The following NOS1AP variants were observed in gnomAD, a reference collection of about 807,000 sequenced individuals.
The protein encoded by NOS1AP is carboxyl-terminal PDZ ligand of neuronal nitric oxide synthase protein.
A neutral mutation model predicts 56.2 loss-of-function variants in NOS1AP; 21 were observed. The ratio of observed to expected loss-of-function variants is 0.37; its 90% confidence interval spans 0.26 to 0.54. The LOEUF is 0.54. Among genes scored for constraint, NOS1AP ranks in the 20% least tolerant of loss-of-function variants. The pLI is 0.84. For synonymous variants in NOS1AP, 270 were observed against 274.6 expected (o/e 0.98, Z 0.17); for missense variants, 522 against 657.8 (o/e 0.79, Z 2.26).
At chr1:162,125,946 T>A (rs1648469052) in intron 1 of NOS1AP, among the ~76,000 whole-genome samples, 1 of 152,190 alleles carries the variant, frequency 6.6e-6, no homozygotes, top group Non-Finnish European at 1.5e-5. Flanking sequence ...TCTATGATTT[T>A]TTTCAGCAGC....
At chr1:162,204,728 G>A (rs865988882) in intron 2 of NOS1AP, among the ~76,000 whole-genome samples, 4 of 152,320 alleles carry the variant, frequency 2.6e-5, no homozygotes, top group Middle Eastern at 3.4e-3. Context: ...AAAATGGAAC[G>A]GAACAGAGAA....
At chr1:162,352,265 G>A (rs191646222) in intron 6 of NOS1AP, among the ~76,000 whole-genome samples, 1 of 152,032 alleles carries the variant, frequency 6.6e-6, no homozygotes, top group African/African-American at 2.4e-5. Context: ...CACCATGTTG[G>A]CCAGGCTTGT....
intron 1 of NOS1AP, among the ~76,000 whole-genome samples, chr1:162,082,038 T>C (rs1570994375): frequency 2.0e-5 from 3 of 151,940 alleles, no homozygotes; most frequent in Admixed American, 6.6e-5. Context: ...ATCACTCAGG[T>C]ATTAAACCTA....
chr1:162,300,856 G>A lies in NOS1AP; in HGVS notation c.344+150G>A, dbSNP rs1402143459. 6 of 694,230 alleles carry A rather than the reference G, an allele frequency of 8.6e-6. No homozygotes were observed. The Admixed American group carries it at 1.1e-4, about 12-fold the overall frequency. The allele number at this position is 694,230 out of a possible 1,614,324, so 43.0% of individuals were successfully genotyped here. ...GACCTGTTGCTTCCATTAGATGTGAGTTCAAGAAGTAAATCTGCCTTATCA... is the reference window on the plus strand; with the variant it reads ...GACCTGTTGCTTCCATTAGATGTGAATTCAAGAAGTAAATCTGCCTTATCA... On this transcript the variant is annotated intron_variant, in intron 4 of 9. Transcript: ENST00000361897.
Position 162,287,361 on chromosome 1 carries a change from G to C in NOS1AP, c.195G>C (p.Lys65Asn), listed in dbSNP as rs748280771. 5.6e-6 allele frequency: 9 copies of C among 1,612,158 alleles called. No individual in the cohort carries two copies. The Admixed American group carries it at 1.5e-4, about 27-fold the overall frequency. ...MRRIRYEFKA[K>N]NIKKKKVSIM... is the part of the protein sequence containing the mutation. ...TCTTGCAGTATGAGTTTAAAGCCAAGAACATCAAGAAGAAGAAAGTGAGCA... is the reference window on the plus strand; with the variant it reads ...TCTTGCAGTATGAGTTTAAAGCCAACAACATCAAGAAGAAGAAAGTGAGCA... Residue 65 changes from lysine to asparagine, a missense_variant, in exon 3 of 10, where the codon AAG becomes AAC. By Grantham distance (94) the Lys-to-Asn change is moderately conservative. Coordinates refer to ENST00000361897, the MANE Select transcript of NOS1AP (RefSeq NM_014697.3).
At chr1:162,146,137 G>T (rs548490537) in intron 1 of NOS1AP, among the ~76,000 whole-genome samples, 238 of 152,302 alleles carry the variant, frequency 1.6e-3, no homozygotes, top group African/African-American at 5.6e-3. Context: ...CTATTTCTGG[G>T]GGCCCTGTCC....
intron 2 of NOS1AP, among the ~76,000 whole-genome samples, chr1:162,168,058 A>G (rs1053949425): frequency 3.3e-5 from 5 of 152,104 alleles, no homozygotes; most frequent in Non-Finnish European, 7.4e-5. Flanking sequence ...GTTGTTATAT[A>G]ACAGGCGCTG....
At chr1:162,322,425 A>G (rs1656450423) in intron 4 of NOS1AP, among the ~76,000 whole-genome samples, 1 of 152,080 alleles carries the variant, frequency 6.6e-6, no homozygotes, top group African/African-American at 2.4e-5. Context: ...GGAGGTGGAT[A>G]CTCTTTCTTC....
chr1:162,082,170 T>A (rs1025776051), intron 1 of NOS1AP, among the ~76,000 whole-genome samples: 10 of 138,342 alleles, frequency 7.2e-5, no homozygotes, highest in African/African-American at 2.2e-4. Flanking sequence ...CTCCCACTTA[T>A]AAGTGAGAAC....
intron 2 of NOS1AP, among the ~76,000 whole-genome samples, chr1:162,272,821 C>T (rs1046075032): frequency 4.6e-5 from 7 of 152,066 alleles, no homozygotes; most frequent in Non-Finnish European, 8.8e-5. Context: ...TATTTCTGCC[C>T]GTTGAAATGT....
At chr1:162,259,990 T>A (rs1326852498) in intron 2 of NOS1AP, among the ~76,000 whole-genome samples, 1 of 152,162 alleles carries the variant, frequency 6.6e-6, no homozygotes, top group African/African-American at 2.4e-5. Context: ...TTTGTCTTCT[T>A]TTAGAATCCC....
intron 1 of NOS1AP, among the ~76,000 whole-genome samples, chr1:162,113,270 G>A (rs1247961402): frequency 3.3e-5 from 5 of 152,122 alleles, no homozygotes; most frequent in Admixed American, 3.3e-4. Context: ...AATTGTTGGA[G>A]CATTACTGGA....
intron 2 of NOS1AP, among the ~76,000 whole-genome samples, chr1:162,276,010 T>A (rs1378116446): frequency 6.6e-6 from 1 of 152,208 alleles, no homozygotes; most frequent in East Asian, 1.9e-4. Context: ...CTGCACTCAT[T>A]TATCTCTGTA....
intron 4 of NOS1AP, among the ~76,000 whole-genome samples, chr1:162,327,537 G>C (rs973887902): frequency 6.6e-6 from 1 of 152,196 alleles, no homozygotes; most frequent in Non-Finnish European, 1.5e-5. Flanking sequence ...CAGATGGTCT[G>C]TGAGAACTTG....
At chr1:162,332,304 A>G (rs964179696) in intron 4 of NOS1AP, among the ~76,000 whole-genome samples, 3 of 152,034 alleles carry the variant, frequency 2.0e-5, no homozygotes, top group Non-Finnish European at 4.4e-5. Context: ...AGCCCCCATC[A>G]TGCTCCATCC....
At chr1:162,244,544 C>T (rs943094631) in intron 2 of NOS1AP, among the ~76,000 whole-genome samples, 2 of 152,176 alleles carry the variant, frequency 1.3e-5, no homozygotes, top group African/African-American at 2.4e-5. Flanking sequence ...TGAGGTTATA[C>T]AACTAGTTAG....
chr1:162,126,885 A>G (rs1648512967), intron 1 of NOS1AP, among the ~76,000 whole-genome samples: 1 of 152,216 alleles, frequency 6.6e-6, no homozygotes. Flanking sequence ...CTCTCCATAA[A>G]GAATATACAA....
intron 3 of NOS1AP, among the ~76,000 whole-genome samples, chr1:162,288,696 C>A (rs182845569): frequency 6.6e-6 from 1 of 152,316 alleles, no homozygotes; most frequent in African/African-American, 2.4e-5. Flanking sequence ...TCCCTCAATA[C>A]TTTCATTGGT....
At chr1:162,070,476 A>G (rs1459314504) in intron 1 of NOS1AP, among the ~76,000 whole-genome samples, 194 bp downstream of exon 1, 1 of 152,178 alleles carries the variant, frequency 6.6e-6, no homozygotes, top group Non-Finnish European at 1.5e-5. Flanking sequence ...CTCAAGAGCA[A>G]CTGCAAAGTT....
Sources: gnomAD v4.1 joint callset for allele counts (sites outside exome capture counted in the v4.1 genomes callset) on GRCh38, gnomAD v4.1.1 for gene constraint, MANE v1.5 for transcripts, NCBI Gene and HGNC (gene_info 2026-07-23, HGNC 2026-07-21) for gene names.